The following DCAF1 variants were observed in gnomAD, a reference collection of about 807,000 sequenced individuals.
DCAF1 encodes the protein DDB1 and CUL4 associated factor 1, also known as DDB1- and CUL4-associated factor 1.
Under a neutral mutation model 128.0 loss-of-function variants are expected in DCAF1, and 15 were observed. The ratio of observed to expected loss-of-function variants is 0.12; its 90% CI spans 0.08 to 0.18. The LOEUF (loss-of-function observed/expected upper bound fraction) is 0.18. DCAF1 is among the 10% of genes least tolerant of loss of function. The pLI, the probability that DCAF1 is intolerant of heterozygous loss-of-function variation, is 1.00. For missense variants in DCAF1, 988 were observed against 1,649.5 expected, an observed-to-expected ratio of 0.60 and a Z score of 6.95; for synonymous variants, 610 against 603.0, an observed-to-expected ratio of 1.01 and a Z score of -0.17.
intron 2 of DCAF1, among the ~76,000 whole-genome samples, chr3:51,492,090 CG>C (rs1198697753): frequency 6.8e-6 from 1 of 148,110 alleles, no homozygotes; most frequent in Non-Finnish European, 1.5e-5. Context: ...CTGCGGGAGG[CG>C]GAAGTTGCAG....
rs782210525 is a variant in DCAF1 at position 51,471,016 on chromosome 3, G to A, written c.111-11C>T. The A allele has an allele frequency of 6.3e-7, 1 of 1,581,640 alleles. No individual in the cohort carries two copies. Among genetic ancestry groups the A allele is most frequent in the Non-Finnish European group, 8.6e-7 (1 of 1,157,496 alleles). On this transcript the variant is annotated splice_polypyrimidine_tract_variant and intron_variant, in intron 3 of 24. Transcript: ENST00000684031. ...ATCAATTGAGACATCCTAGCACAAA[G>A]GAAACAAGGGGTCAACTCTGGACAA...
chr3:51,419,067 T>C (rs1368289798), intron 15 of DCAF1, among the ~76,000 whole-genome samples, 191 bp from the exon 16 acceptor site: 2 of 152,122 alleles, frequency 1.3e-5, no homozygotes, highest in Admixed American at 6.5e-5. Flanking sequence ...ATAACAAAAA[T>C]TCCCATGTTT....
chr3:51,484,885 G>A (rs1329952155), intron 2 of DCAF1, among the ~76,000 whole-genome samples: 6 of 148,588 alleles, frequency 4.0e-5, no homozygotes, highest in Admixed American at 1.4e-4. Context: ...GTTTCACCAC[G>A]CTGGCCAGGC....
chr3:51,491,262 C>T (rs1411498304), intron 2 of DCAF1, among the ~76,000 whole-genome samples: 1 of 151,234 alleles, frequency 6.6e-6, no homozygotes, highest in Non-Finnish European at 1.5e-5. Context: ...GCAGGAGAAC[C>T]GCTTGAACCT....
intron 23 of DCAF1, among the ~76,000 whole-genome samples, chr3:51,411,876 G>A (rs982357995): frequency 9.9e-5 from 15 of 152,068 alleles, no homozygotes; most frequent in African/African-American, 2.7e-4. Context: ...CTGAGAGGCC[G>A]ACGTGGGCAG....
At chr3:51,487,967 C>T (rs567574093) in intron 2 of DCAF1, among the ~76,000 whole-genome samples, 38 of 152,114 alleles carry the variant, frequency 2.5e-4, no homozygotes, top group Middle Eastern at 3.4e-3. Flanking sequence ...TGGGTTCAAG[C>T]GATTCTCCTG....
Position 51,420,160 on chromosome 3 carries a change from TGG to T in DCAF1, c.2808_2809del (p.Gln937GlyfsTer19). 6.2e-7 allele frequency: 1 copy of T among 1,613,788 alleles called. No homozygotes were observed. On this transcript the variant is annotated frameshift_variant, in exon 15 of 25. Coordinates refer to ENST00000684031, the MANE Select transcript of DCAF1 (RefSeq NM_001387579.1). LOFTEE classifies it high-confidence loss of function. This position sits in a 1 kb window ranked among gnomAD's most constrained non-coding sequence, Gnocchi z 6.5. ...TGGGCCGGGCAGAGCTAGCGGACCC[TGG>T]GGGGGCCGTGGCTGAGGATGAGCAG...
chr3:51,439,240 T>A (rs782593597), intron 9 of DCAF1, among the ~76,000 whole-genome samples: 15 of 152,008 alleles, frequency 9.9e-5, no homozygotes, highest in Non-Finnish European at 2.2e-4. Context: ...GTGATTCTCA[T>A]GCCTCAGCCT....
At chr3:51,459,364 T>C (rs202007817) in intron 6 of DCAF1, among the ~76,000 whole-genome samples, 231 of 143,946 alleles carry the variant, frequency 1.6e-3, no homozygotes, top group South Asian at 3.8e-3. Context: ...CAGGAAGAAG[T>C]TGAATCTCTG....
upstream of DCAF1, among the ~76,000 whole-genome samples, chr3:51,501,289 G>C (rs1708795318): frequency 6.6e-6 from 1 of 152,150 alleles, no homozygotes; most frequent in Admixed American, 6.6e-5. Context: ...GAGGCCCAGA[G>C]GGAGTGAGCG....
intron 24 of DCAF1, among the ~76,000 whole-genome samples, chr3:51,402,790 T>C (rs1269636493): frequency 6.6e-6 from 1 of 152,032 alleles, no homozygotes; most frequent in Non-Finnish European, 1.5e-5. Flanking sequence ...CCCAGGCTGG[T>C]CTCGAACTCC....
chr3:51,474,948 C>T (rs1705252053), intron 3 of DCAF1, among the ~76,000 whole-genome samples: 1 of 151,922 alleles, frequency 6.6e-6, no homozygotes, highest in African/African-American at 2.4e-5. Flanking sequence ...CCATGCCCGG[C>T]TAACTTTTGT....
chr3:51,475,705 C>T (rs982573595), intron 3 of DCAF1, among the ~76,000 whole-genome samples: 1 of 152,122 alleles, frequency 6.6e-6, no homozygotes, highest in Non-Finnish European at 1.5e-5. Context: ...ACTAAACATA[C>T]AAAAAATTAG....
chr3:51,432,447 G>T (rs1294261697), intron 10 of DCAF1, among the ~76,000 whole-genome samples: 2 of 151,024 alleles, frequency 1.3e-5, no homozygotes, highest in Non-Finnish European at 3.0e-5. Flanking sequence ...ATCAGTGAGA[G>T]ACTAGGTCTG....
chr3:51,419,896 G>A lies in DCAF1; in HGVS notation c.3074C>T (p.Thr1025Ile), dbSNP rs1391706577. The change falls in exon 15 of 25, where the codon ACC becomes ATC. Residue 1025 changes from threonine (T) to isoleucine (I), a missense_variant. Physicochemically the swap from Thr to Ile is moderately conservative, Grantham distance 89. Coordinates refer to ENST00000684031, the MANE Select transcript of DCAF1 (RefSeq NM_001387579.1). ...AGTAAAGAGGGAGAAAGGTGGGCAGGTGGCAACTGGATTCTTGCAGCGAGC... is the reference window on the plus strand; with the variant it reads ...AGTAAAGAGGGAGAAAGGTGGGCAGATGGCAACTGGATTCTTGCAGCGAGC... ...QHARCKNPVA[T>I]CPPFSLFTPH... is the part of the protein sequence containing the mutation. 1.9e-6 allele frequency: 3 copies of A among 1,614,058 alleles called. No homozygotes were observed. Among genetic ancestry groups the A allele is most frequent in the Non-Finnish European group, 8.5e-7 (1 of 1,179,906 alleles).
chr3:51,445,503 A>T (rs1553640020), intron 6 of DCAF1, among the ~76,000 whole-genome samples: 1 of 152,232 alleles, frequency 6.6e-6, no homozygotes, highest in African/African-American at 2.4e-5. Flanking sequence ...GAGGAAAATG[A>T]ATCACAGTGA....
At chr3:51,485,691 A>G (rs1458264241) in intron 2 of DCAF1, among the ~76,000 whole-genome samples, 1 of 152,228 alleles carries the variant, frequency 6.6e-6, no homozygotes, top group Admixed American at 6.5e-5. Context: ...CATAAAACCA[A>G]AAGAAATACA....
intron 9 of DCAF1, among the ~76,000 whole-genome samples, chr3:51,436,728 G>A (rs1212822151): frequency 6.6e-6 from 1 of 152,194 alleles, no homozygotes; most frequent in African/African-American, 2.4e-5. Flanking sequence ...GTATTCCCAT[G>A]TGTTTTAGAA....
intron 3 of DCAF1, among the ~76,000 whole-genome samples, chr3:51,473,577 C>T (rs1279678152): frequency 4.6e-5 from 7 of 150,734 alleles, no homozygotes; most frequent in Admixed American, 4.6e-4. Context: ...TGCAGCAACA[C>T]GACTCATGGC....
Sources: gnomAD v4.1 joint callset for allele counts (sites outside exome capture counted in the v4.1 genomes callset) on GRCh38, gnomAD v4.1.1 for gene constraint, Gnocchi (gnomAD v3.1) non-coding constraint, MANE v1.5 for transcripts, NCBI Gene and HGNC (gene_info 2026-07-23, HGNC 2026-07-21) for gene names.